Variants in ST3GAL5 observed in about 807,000 individuals in gnomAD.
ST3GAL5 encodes ST3 beta-galactoside alpha-2,3-sialyltransferase 5, also known as lactosylceramide alpha-2,3-sialyltransferase.
A neutral mutation model predicts 46.1 loss-of-function variants in ST3GAL5; 25 were observed. The observed-to-expected ratio is 0.54, with a 90% CI of 0.40 to 0.76. The LOEUF is 0.76. ST3GAL5 is among the 30% of genes least tolerant of loss of function. The pLI, the probability that ST3GAL5 is intolerant of heterozygous loss-of-function variation, is 0.00. For synonymous variants in ST3GAL5, 182 were observed against 192.7 expected (o/e 0.94, Z 0.46); for missense variants, 431 against 521.2 (o/e 0.83, Z 1.69).
At chr2:85,852,769 TG>T in intron 3 of ST3GAL5, 1 of 731,278 alleles carries the variant, frequency 1.4e-6, no homozygotes, top group Non-Finnish European at 2.0e-6. Flanking sequence ...TCAGGAGATC[TG>T]GAGGCTGGAC....
chr2:85,888,741 C>T, intron 1 of ST3GAL5, 83 bp downstream of exon 1: 1 of 1,063,386 alleles, frequency 9.4e-7, no homozygotes. Flanking sequence ...CCGCGCCCAG[C>T]CGGCCCGGGA....
rs1267242475 is a variant in ST3GAL5, at chr2:85,865,216, A to G, written c.83-1731T>C. Among the ~76,000 whole-genome samples the G allele has an allele frequency of 3.3e-5, 5 of 152,274 alleles. No individual in the cohort carries two copies. In the East Asian group the frequency reaches 9.6e-4, roughly 29 times the overall value. ...TACTATTATAATAAATGCATATATT[A>G]ATTTAAGAAATAATGTCTTCACTAT... On this transcript the variant is annotated intron_variant, in intron 1 of 6. Transcript: ENST00000638572.
intron 3 of ST3GAL5, chr2:85,848,425 C>A: frequency 6.6e-7 from 1 of 1,513,856 alleles, no homozygotes; most frequent in African/African-American, 1.4e-5. Context: ...GCAGGGTATT[C>A]ATTTCATTGC....
chr2:85,886,250 A>G (rs577177973), intron 1 of ST3GAL5, among the ~76,000 whole-genome samples: 11 of 152,322 alleles, frequency 7.2e-5, no homozygotes, highest in African/African-American at 2.2e-4. Flanking sequence ...TGGACAACAC[A>G]GTGGGAGCCG....
chr2:85,872,555 C>G (rs1157595542), intron 1 of ST3GAL5, among the ~76,000 whole-genome samples: 1 of 150,394 alleles, frequency 6.6e-6, no homozygotes, highest in Non-Finnish European at 1.5e-5. Context: ...TGCACTGCAG[C>G]CTGGGCAACA....
chr2:85,846,328 C>T (rs2103948301), intron 5 of ST3GAL5, 49 bp downstream of exon 5: 1 of 1,546,688 alleles, frequency 6.5e-7, no homozygotes, highest in South Asian at 1.1e-5. Flanking sequence ...CTAAGTAAGA[C>T]TCCTTCACTT....
intron 3 of ST3GAL5, chr2:85,852,920 C>A: frequency 7.7e-7 from 1 of 1,304,196 alleles, no homozygotes; most frequent in Non-Finnish European, 1.0e-6. Context: ...AGAAAAGACT[C>A]GGTTTGAAGA....
At chr2:85,855,165 T>G (rs915345797) in intron 3 of ST3GAL5, 5 of 152,252 alleles carry the variant, frequency 3.3e-5, no homozygotes, top group Admixed American at 3.3e-4. Flanking sequence ...AAGGACCCAG[T>G]GGTAGATGAC....
chr2:85,846,744 T>C lies in ST3GAL5; in HGVS notation c.663-181A>G, dbSNP rs934272583. ...CTAGGATTTCGAGGAATGCAGCCTTTAGTACTTGAGCGAACACTTGTATCT... is the reference window on the plus strand; with the variant it reads ...CTAGGATTTCGAGGAATGCAGCCTTCAGTACTTGAGCGAACACTTGTATCT... On this transcript the variant is annotated intron_variant, in intron 4 of 6. Coordinates refer to ENST00000638572, the MANE Select transcript of ST3GAL5 (RefSeq NM_003896.4). The C allele has an allele frequency of 8.1e-6, 5 of 619,676 alleles. No individual in the cohort carries two copies. In the South Asian group the frequency reaches 9.8e-5, roughly 12 times the overall value. 38.4% of individuals were successfully genotyped at this position (619,676 alleles called of 1,614,324 possible).
chr2:85,846,348 G>A, intron 5 of ST3GAL5, 29 bp downstream of exon 5: 4 of 1,606,156 alleles, frequency 2.5e-6, no homozygotes, highest in Non-Finnish European at 3.4e-6. Context: ...TTTTACTAAG[G>A]CAGATTTAAT....
chr2:85,867,733 T>G (rs1015474021), intron 1 of ST3GAL5: 1 of 754,806 alleles, frequency 1.3e-6, no homozygotes, highest in African/African-American at 1.7e-5. Flanking sequence ...GACATTGACA[T>G]CCAACCCTCA....
In ST3GAL5 at chr2:85,872,094, G is replaced by T. The variant is rs926912576; in HGVS notation, c.83-8609C>A. On this transcript the variant is annotated intron_variant, in intron 1 of 6. Transcript: ENST00000638572. ...CCTCCCTACTGTGGTGTCCAGGCAG[G>T]AGGGGAGCCCGAGGCCTACCCTGGT... is the stretch of plus-strand genomic sequence containing the variant. Among the ~76,000 whole-genome samples the T allele has an allele frequency of 8.5e-5, 13 of 152,280 alleles. 1 individual carries two copies. In the Middle Eastern group the frequency reaches 0.017, roughly 199 times the overall value.
intron 1 of ST3GAL5, among the ~76,000 whole-genome samples, chr2:85,878,240 C>T (rs1686785077): frequency 6.6e-6 from 1 of 152,174 alleles, no homozygotes; most frequent in Non-Finnish European, 1.5e-5. Context: ...TGTTAGGACA[C>T]AAGTAGAAAT....
At chr2:85,847,528 T>C in intron 4 of ST3GAL5, 1 of 1,079,748 alleles carries the variant, frequency 9.3e-7, no homozygotes, top group Non-Finnish European at 1.1e-6. Flanking sequence ...TCACTGTTCC[T>C]GGAGCCACAC....
intron 3 of ST3GAL5, chr2:85,848,735 T>C (rs2103964768): frequency 5.9e-6 from 1 of 168,376 alleles, no homozygotes; most frequent in East Asian, 1.5e-4. Context: ...AGCGTTTCGG[T>C]TTTGCAAGAT....
chr2:85,853,203 C>T (rs1384389790), intron 3 of ST3GAL5: 2 of 627,576 alleles, frequency 3.2e-6, no homozygotes, highest in Admixed American at 2.8e-5. Context: ...CTTTTGAGTG[C>T]AATTTCACAT....
At chr2:85,860,856 A>G (rs1013174508) in intron 3 of ST3GAL5, 3 of 305,918 alleles carry the variant, frequency 9.8e-6, no homozygotes, top group Admixed American at 9.3e-5. Context: ...GGGAGAAAAG[A>G]AAAAAGAAAG....
At position 85,847,923 on chromosome 2, in the gene ST3GAL5, G is replaced by A. The variant is rs777362189; in HGVS notation, c.600C>T (p.Ser200=). 23 of 1,613,982 alleles carry A rather than the reference G, an allele frequency of 1.4e-5. No individual in the cohort carries two copies. The highest frequency in any genetic ancestry group is 1.8e-5 in the Non-Finnish European group (21 of 1,180,028). ...GTTCTAATCCGTGCAGTATTCCTCC[G>A]CTTCCAATAACCACACAGCGCCGAC... The part of the protein sequence containing the change: ...KTCRRCVVIG[S]GGILHGLELG... Residue 200 remains serine, a synonymous_variant, in exon 4 of 7, where the codon AGC becomes AGT. Transcript: ENST00000638572.
chr2:85,886,996 G>C (rs1345917004), intron 1 of ST3GAL5, among the ~76,000 whole-genome samples: 1 of 152,200 alleles, frequency 6.6e-6, no homozygotes, highest in Non-Finnish European at 1.5e-5. Context: ...GGAGCCAGGA[G>C]GGTGTGGAAG....
Sources: gnomAD v4.1 joint callset for allele counts (sites outside exome capture counted in the v4.1 genomes callset) on GRCh38, gnomAD v4.1.1 for gene constraint, MANE v1.5 for transcripts, NCBI Gene and HGNC (gene_info 2026-07-23, HGNC 2026-07-21) for gene names.